The following TMEM63A variants were observed in gnomAD, a reference collection of about 807,000 sequenced individuals.
TMEM63A encodes the protein mechanosensitive cation channel TMEM63A.
A neutral mutation model predicts 100.6 loss-of-function variants in TMEM63A; 76 were observed. The observed-to-expected ratio is 0.76, with a 90% CI of 0.63 to 0.91. The LOEUF is 0.91. Among genes scored for constraint, TMEM63A ranks in the 40% least tolerant of loss-of-function variants. The pLI, the probability that TMEM63A is intolerant of heterozygous loss-of-function variation, is 0.00. For synonymous variants in TMEM63A, 401 were observed against 401.1 expected (o/e 1.00, Z 0.00); for missense variants, 876 against 1,008.8 (o/e 0.87, Z 1.78).
intron 21 of TMEM63A, 45 bp downstream of exon 21, chr1:225,849,867 G>A (rs776504621): frequency 9.4e-6 from 15 of 1,601,432 alleles, no homozygotes; most frequent in Non-Finnish European, 1.2e-5. Context: ...GGGGATGCAG[G>A]GCTGGGAGGC....
At chr1:225,856,237 T>C (rs188227058) in intron 17 of TMEM63A, among the ~76,000 whole-genome samples, 12 of 151,618 alleles carry the variant, frequency 7.9e-5, no homozygotes, top group African/African-American at 2.9e-4. Flanking sequence ...CTGGAACTCC[T>C]GGGCTCAAGC....
At chr1:225,861,869 G>A in intron 13 of TMEM63A, 1 of 306,032 alleles carries the variant, frequency 3.3e-6, no homozygotes, top group Non-Finnish European at 6.3e-6. Context: ...TGTCTGAAAG[G>A]AGGGTGCCTC....
chr1:225,861,097 G>T, intron 13 of TMEM63A, 100 bp from the exon 14 acceptor site: 1 of 1,366,782 alleles, frequency 7.3e-7, no homozygotes, highest in Non-Finnish European at 9.9e-7. Flanking sequence ...CAGTGGCATA[G>T]GACCTTTGCT....
rs1453337917 is a variant in TMEM63A at position 225,867,667 on chromosome 1, C to T, written c.514+221G>A. On this transcript the variant is annotated intron_variant, in intron 7 of 24. Coordinates refer to ENST00000366835, the MANE Select transcript of TMEM63A (RefSeq NM_014698.3). The surrounding 1 kb of genome is among the most constrained non-coding windows in gnomAD (Gnocchi z 4.6). Reference sequence around the variant, plus strand: ...CTGTAAATCTTGGGGGGCTTTTTTCCCTATTTAAATAGAACCAGACATTGA... The same window carrying T: ...CTGTAAATCTTGGGGGGCTTTTTTCTCTATTTAAATAGAACCAGACATTGA... 1.3e-5 allele frequency among the ~76,000 whole-genome samples: 2 copies of T among 152,042 alleles called. No homozygotes were observed. The highest frequency in any genetic ancestry group is 2.4e-5 in the African/African-American group (1 of 41,398).
intron 18 of TMEM63A, among the ~76,000 whole-genome samples, chr1:225,854,614 T>C (rs1669521359): frequency 6.6e-6 from 1 of 152,088 alleles, no homozygotes; most frequent in South Asian, 2.1e-4. Context: ...AGAGTTTGGT[T>C]TTGGGCAGGT....
downstream of TMEM63A, chr1:225,844,496 AG>A: frequency 2.5e-6 from 4 of 1,614,122 alleles, no homozygotes; most frequent in Non-Finnish European, 3.4e-6. Flanking sequence ...CTGCGTTCCC[AG>A]GAAGTTCTCC....
chr1:225,845,028 A>T, downstream of TMEM63A: 1 of 1,107,224 alleles, frequency 9.0e-7, no homozygotes, highest in Non-Finnish European at 1.4e-6. Context: ...CCTTTTCTTT[A>T]TGGCTCCTTG....
intron 20 of TMEM63A, among the ~76,000 whole-genome samples, chr1:225,851,027 C>T (rs777702608): frequency 3.3e-5 from 5 of 151,996 alleles, no homozygotes; most frequent in Non-Finnish European, 4.4e-5. Context: ...GTCTTTCATC[C>T]GTCGCTGGGT....
rs974273550 is a variant in TMEM63A, at chr1:225,867,120, T to C, written c.558A>G (p.Leu186=). The C allele has an allele frequency of 1.2e-6, 2 of 1,614,140 alleles. No individual in the cohort carries two copies. Among genetic ancestry groups the C allele is most frequent in the Non-Finnish European group, 8.5e-7 (1 of 1,180,016 alleles). ...YSFGRTTIAN[L]QTDNDLLWLH... The stretch of plus-strand genomic sequence containing the variant: ...ACGGGCTCCATACTCACTCAGTCTG[T>C]AGGTTTGCTATTGTTGTCCTCCCAA... Residue 186 remains leucine, a synonymous_variant, in exon 8 of 25, where the codon CTA becomes CTG. Transcript: ENST00000366835. The surrounding 1 kb of genome is among the most constrained non-coding windows in gnomAD (Gnocchi z 4.6).
At chr1:225,874,221 C>T in intron 4 of TMEM63A, 67 bp downstream of exon 4, 1 of 1,471,124 alleles carries the variant, frequency 6.8e-7, no homozygotes. Flanking sequence ...CATATACACA[C>T]TCACGCACAT....
chr1:225,865,120 T>TA lies in TMEM63A; in HGVS notation c.746+776dup. On this transcript the variant is annotated intron_variant, in intron 10 of 24. Coordinates refer to ENST00000366835, the MANE Select transcript of TMEM63A (RefSeq NM_014698.3). The surrounding 1 kb of genome is among the most constrained non-coding windows in gnomAD (Gnocchi z 4.6). ...GGGCAACAGAGCAAGACCCTGTCTCTAAAAAAATAAGATTACAAAAAAAGG... is the reference window on the plus strand; with the variant it reads ...GGGCAACAGAGCAAGACCCTGTCTCTAAAAAAAATAAGATTACAAAAAAAGG... The TA allele has an allele frequency of 6.6e-6, 1 of 152,162 alleles. No individual in the cohort carries two copies. The allele number at this position is 152,162 out of a possible 1,614,324, so 9.4% of individuals were successfully genotyped here. A position where few individuals can be genotyped will look rare whatever the true frequency, so the allele number is the denominator to read the frequency against.
intron 15 of TMEM63A, among the ~76,000 whole-genome samples, chr1:225,858,313 A>AT (rs1669740988): frequency 1.3e-5 from 1 of 76,212 alleles, no homozygotes; most frequent in African/African-American, 4.1e-5. Flanking sequence ...TATACAGAAT[A>AT]GTTTGTTTTT....
rs992151449 is a variant in TMEM63A at position 225,845,606 on chromosome 1, G to A, written c.*1333C>T. Reference sequence around the variant, plus strand: ...ACATGAGCGTGCGCTGACCCCACATGGGGCCCCCTGTGCAAGCAGAGCTGG... The same window carrying A: ...ACATGAGCGTGCGCTGACCCCACATAGGGCCCCCTGTGCAAGCAGAGCTGG... On this transcript the variant is annotated 3_prime_UTR_variant, in exon 25 of 25. Transcript: ENST00000366835. The A allele has an allele frequency of 1.8e-6, 1 of 553,320 alleles. No individual in the cohort carries two copies. 34.3% of individuals were successfully genotyped at this position (553,320 alleles called of 1,614,324 possible).
intron 3 of TMEM63A, among the ~76,000 whole-genome samples, chr1:225,876,233 C>T (rs1269359277): frequency 2.6e-5 from 4 of 151,816 alleles, no homozygotes; most frequent in Non-Finnish European, 5.9e-5. Flanking sequence ...CAAACTCTCC[C>T]CACCCTGAAG....
chr1:225,846,864 C>T lies in TMEM63A; in HGVS notation c.*75G>A, dbSNP rs1445245766. 10 of 751,434 alleles carry T rather than the reference C, an allele frequency of 1.3e-5. No homozygotes were observed. The highest frequency in any genetic ancestry group is 3.2e-5 in the Admixed American group (1 of 31,736). 46.5% of individuals were successfully genotyped at this position (751,434 alleles called of 1,614,324 possible). On this transcript the variant is annotated 3_prime_UTR_variant, in exon 25 of 25. Coordinates refer to ENST00000366835, the MANE Select transcript of TMEM63A (RefSeq NM_014698.3). ...TGATAGCTCAGCTGGGCAGTCCCAA[C>T]GCATTCCCACTCAGCCAAGGGCCTG...
intron 9 of TMEM63A, 51 bp from the exon 10 acceptor site, chr1:225,866,018 G>A (rs751080611): frequency 1.2e-5 from 19 of 1,585,296 alleles, no homozygotes; most frequent in East Asian, 2.3e-5. Context: ...CCAGTGTGCC[G>A]GTATGCTCAG....
chr1:225,862,560 G>A lies in TMEM63A; in HGVS notation c.846C>T (p.Ser282=), dbSNP rs1361314718. The A allele has an allele frequency of 2.5e-6, 4 of 1,613,662 alleles. No homozygotes were observed. The highest frequency in any genetic ancestry group is 3.4e-6 in the Non-Finnish European group (4 of 1,179,976). ...LCKEKKKTEK[S]LTYYTNLQVK... is the part of the protein sequence containing the mutation. ...CCTGCAGGTTTGTGTAATAGGTCAG[G>A]CTCTTCTCAGTCTTCTTTCTGTAGG... The change falls in exon 12 of 25, where the codon AGC becomes AGT. Residue 282 remains serine, a synonymous_variant. Transcript: ENST00000366835. This position sits in a 1 kb window ranked among gnomAD's most constrained non-coding sequence, Gnocchi z 5.1.
At chr1:225,843,844 T>C (rs1668650650), downstream of TMEM63A, among the ~76,000 whole-genome samples, 1 of 152,234 alleles carries the variant, frequency 6.6e-6, no homozygotes, top group African/African-American at 2.4e-5. Flanking sequence ...CTAGTTTTCA[T>C]TGACCAGTTT....
intron 6 of TMEM63A, among the ~76,000 whole-genome samples, chr1:225,870,403 A>C (rs1670449546): frequency 6.7e-6 from 1 of 150,130 alleles, no homozygotes; most frequent in Non-Finnish European, 1.5e-5. Context: ...GATTCAATGG[A>C]ATATGGCAGC....
Sources: gnomAD v4.1 joint callset for allele counts (sites outside exome capture counted in the v4.1 genomes callset) on GRCh38, gnomAD v4.1.1 for gene constraint, Gnocchi (gnomAD v3.1) non-coding constraint, MANE v1.5 for transcripts, NCBI Gene and HGNC (gene_info 2026-07-23, HGNC 2026-07-21) for gene names.